Variants in SNX29 observed in about 807,000 individuals in gnomAD.
The protein encoded by SNX29 is sorting nexin 29.
SNX29 carries 78 observed loss-of-function variants against 102.1 expected under a neutral mutation model. The observed-to-expected ratio is 0.76, with a 90% CI of 0.64 to 0.92. The LOEUF is 0.92. Among genes scored for constraint, SNX29 ranks in the 40% least tolerant of loss-of-function variants. The probability of loss-of-function intolerance (pLI) is 0.00; values close to 1 mark genes in which losing one functional copy is unlikely to be tolerated. For missense variants in SNX29, 1,280 were observed against 1,061.7 expected, an observed-to-expected ratio of 1.21 and a Z score of -2.86; for synonymous variants, 580 against 414.5, an observed-to-expected ratio of 1.40 and a Z score of -4.85.
chr16:12,409,711 A>G (rs1443889764), intron 18 of SNX29, among the ~76,000 whole-genome samples: 1 of 152,190 alleles, frequency 6.6e-6, no homozygotes, highest in African/African-American at 2.4e-5. Context: ...TAGGCCTTAA[A>G]AAAGCTCACC....
At position 12,428,912 on chromosome 16, in the gene SNX29, C is replaced by T. The variant is rs1260742216; in HGVS notation, c.2037+25383C>T. ...TTGCAATTAATATCTCCTAGTTAAT[C>T]CCAACACACAGATACGATTGCAACT... On this transcript the variant is annotated intron_variant, in intron 18 of 20. Transcript: ENST00000566228. 6.6e-5 allele frequency among the ~76,000 whole-genome samples: 10 copies of T among 152,194 alleles called. No homozygotes were observed. The South Asian group carries it at 1.2e-3, about 19-fold the overall frequency.
chr16:12,280,880 G>A (rs2079409149), intron 15 of SNX29, among the ~76,000 whole-genome samples: 1 of 152,174 alleles, frequency 6.6e-6, no homozygotes. Flanking sequence ...CGTGTCAGAA[G>A]GGCAAAGGAA....
chr16:12,241,330 C>T (rs147429906), intron 14 of SNX29, among the ~76,000 whole-genome samples: 17 of 152,230 alleles, frequency 1.1e-4, no homozygotes, highest in African/African-American at 2.6e-4. Context: ...CACTGTTTTA[C>T]GTTAAAAGGG....
intron 14 of SNX29, among the ~76,000 whole-genome samples, chr16:12,240,222 G>A (rs1233417451): frequency 6.6e-6 from 1 of 152,176 alleles, no homozygotes; most frequent in Non-Finnish European, 1.5e-5. Context: ...TATTTCTCTA[G>A]GGTCAGCTCC....
chr16:12,271,253 G>A (rs2079084588), intron 14 of SNX29, among the ~76,000 whole-genome samples: 1 of 152,256 alleles, frequency 6.6e-6, no homozygotes, highest in African/African-American at 2.4e-5. Flanking sequence ...CTGTCATGGT[G>A]TCAGTTGGAG....
At chr16:12,397,239 A>C (rs2083756432) in intron 16 of SNX29, among the ~76,000 whole-genome samples, 1 of 152,154 alleles carries the variant, frequency 6.6e-6, no homozygotes, top group African/African-American at 2.4e-5. Context: ...CTAACCTTCA[A>C]GTTTCTTCAT....
intron 11 of SNX29, chr16:12,088,164 A>T (rs1567195732): frequency 2.2e-6 from 1 of 455,860 alleles, no homozygotes; most frequent in Non-Finnish European, 4.4e-6. Flanking sequence ...TCACAGTGTC[A>T]CTGTTTGGGC....
At chr16:12,121,369 C>T (rs2053964200) in intron 11 of SNX29, among the ~76,000 whole-genome samples, 2 of 152,360 alleles carry the variant, frequency 1.3e-5, no homozygotes, top group South Asian at 4.1e-4. Context: ...AGCCTGGGAG[C>T]CGAGAGTCCT....
chr16:12,514,655 A>C (rs1166919497), intron 19 of SNX29, among the ~76,000 whole-genome samples: 1 of 152,176 alleles, frequency 6.6e-6, no homozygotes, highest in Non-Finnish European at 1.5e-5. Context: ...ACTTGAGGCC[A>C]GGAGTTCGAG....
chr16:11,991,132 C>T (rs2055832329), intron 1 of SNX29, among the ~76,000 whole-genome samples: 2 of 152,226 alleles, frequency 1.3e-5, no homozygotes, highest in Admixed American at 1.3e-4. Context: ...GGCAGCCCGC[C>T]ACAGATGCAC....
rs191297231 is a variant in SNX29, at chr16:12,539,773, C to T, written c.2318+14932C>T. ...CATCATGGTCTTAATTTGCATTTTC[C>T]TAATGAGTAATGATGTTGAGCATAT... On this transcript the variant is annotated intron_variant, in intron 20 of 20. Coordinates refer to ENST00000566228, the MANE Select transcript of SNX29 (RefSeq NM_032167.5). Among the ~76,000 whole-genome samples, 386 of 152,288 alleles carry T rather than the reference C, an allele frequency of 2.5e-3. 1 individual carries two copies. Among genetic ancestry groups the T allele is most frequent in the African/African-American group, 8.9e-3 (369 of 41,554 alleles).
intron 20 of SNX29, among the ~76,000 whole-genome samples, chr16:12,550,120 A>T (rs140221357): frequency 5.8e-4 from 89 of 152,328 alleles, no homozygotes; most frequent in African/African-American, 1.5e-3. Flanking sequence ...GCTGATGTAC[A>T]CTCACATGTA....
At chr16:12,159,604 A>G (rs2055697282) in intron 13 of SNX29, among the ~76,000 whole-genome samples, 1 of 152,240 alleles carries the variant, frequency 6.6e-6, no homozygotes, top group Non-Finnish European at 1.5e-5. Flanking sequence ...TCACACCTGT[A>G]ATCCTAACAC....
chr16:12,417,568 T>TTTCCTCTTCTCTTTCTGTTTCCCC (rs2084690636), intron 18 of SNX29, among the ~76,000 whole-genome samples: 2 of 151,594 alleles, frequency 1.3e-5, no homozygotes, highest in Non-Finnish European at 2.9e-5. Context: ...TCTGTTTCCC[T>TTTCCTCTTCTCTTTCTGTTTCCCC]CTTTCCTCCT....
At chr16:12,424,463 C>A (rs1204043297) in intron 18 of SNX29, among the ~76,000 whole-genome samples, 1 of 152,024 alleles carries the variant, frequency 6.6e-6, no homozygotes, top group African/African-American at 2.4e-5. Flanking sequence ...GTCTTAGGGC[C>A]CTTCCTTGGG....
At chr16:12,556,935 C>T (rs1352127065) in intron 20 of SNX29, among the ~76,000 whole-genome samples, 1 of 38,712 alleles carries the variant, frequency 2.6e-5, no homozygotes, top group African/African-American at 1.3e-4. Context: ...TCACTACAGC[C>T]TCTGCCGCTC....
At chr16:12,120,732 A>C (rs940848581) in intron 11 of SNX29, among the ~76,000 whole-genome samples, 1 of 152,174 alleles carries the variant, frequency 6.6e-6, no homozygotes, top group Non-Finnish European at 1.5e-5. Flanking sequence ...TGTTTTTGAA[A>C]TTGAGCATTC....
chr16:12,363,576 C>G (rs2082366992), intron 16 of SNX29, among the ~76,000 whole-genome samples: 1 of 152,218 alleles, frequency 6.6e-6, no homozygotes, highest in Non-Finnish European at 1.5e-5. Flanking sequence ...CCTCATGTCC[C>G]ATTTCCGACT....
At chr16:12,519,546 A>G (rs927816298) in intron 19 of SNX29, among the ~76,000 whole-genome samples, 1 of 152,242 alleles carries the variant, frequency 6.6e-6, no homozygotes, top group African/African-American at 2.4e-5. Flanking sequence ...ACACTGAAGT[A>G]TTTAGGAGTA....
Sources: gnomAD v4.1 joint callset for allele counts (sites outside exome capture counted in the v4.1 genomes callset) on GRCh38, gnomAD v4.1.1 for gene constraint, MANE v1.5 for transcripts, NCBI Gene and HGNC (gene_info 2026-07-23, HGNC 2026-07-21) for gene names.